SDHB: variants seen among roughly 807,000 people sequenced by gnomAD.
The protein encoded by SDHB is succinate dehydrogenase [ubiquinone] iron-sulfur subunit, mitochondrial.
SDHB carries 21 observed loss-of-function variants against 39.7 expected under a neutral mutation model. The ratio of observed to expected loss-of-function variants is 0.53; its 90% confidence interval spans 0.37 to 0.76. The LOEUF is 0.76. Ranked by LOEUF, SDHB falls within the 30% of genes least tolerant of loss-of-function variation. The pLI is 0.00. For missense variants in SDHB, 343 were observed against 350.9 expected (o/e 0.98, Z 0.18); for synonymous variants, 118 against 117.0 (o/e 1.01, Z -0.06).
chr1:17,053,924 CCT>C (rs769896257), intron 1 of SDHB, 22 bp downstream of exon 1: 22 of 1,595,746 alleles, frequency 1.4e-5, no homozygotes, highest in Non-Finnish European at 1.7e-5. Flanking sequence ...CTGACTTTTC[CCT>C]CTCTGAGGCT....
intron 3 of SDHB, among the ~76,000 whole-genome samples, chr1:17,030,462 G>A (rs1233014315): frequency 6.6e-6 from 1 of 152,132 alleles, no homozygotes; most frequent in Non-Finnish European, 1.5e-5. Context: ...ATGAAACTGA[G>A]GCAAAGCAAA....
intron 3 of SDHB, 61 bp downstream of exon 3, chr1:17,032,999 C>T (rs1188713634): frequency 2.3e-6 from 3 of 1,327,268 alleles, no homozygotes; most frequent in Admixed American, 3.4e-5. Context: ...CAGCTTTGGC[C>T]AGCCCAAGCC....
chr1:17,034,125 C>G (rs2647159), intron 2 of SDHB, among the ~76,000 whole-genome samples: 15,939 of 151,712 alleles, frequency 0.11, 975 homozygotes, highest in African/African-American at 0.17. Context: ...TACGTCATTT[C>G]CTTTAGTACT....
chr1:17,052,449 C>T (rs2078153897), intron 1 of SDHB: 1 of 152,120 alleles, frequency 6.6e-6, no homozygotes, highest in African/African-American at 2.4e-5. Flanking sequence ...CCTCAGGAGG[C>T]CCTGCAAAGA....
rs1060503756 is a variant in SDHB, at chr1:17,053,971, T to C, written c.49A>G (p.Thr17Ala). ...ACCTGCAGGCAGGCTCCGCCAAGGG[T>C]TGTGGCCGGCAACCGGCGCCTCAAG... ...LSLRRRLPAT[T>A]LGGACLQASR... is the part of the protein sequence containing the mutation. Residue 17 changes from threonine (T) to alanine (A), a missense_variant, in exon 1 of 8, where the codon ACC becomes GCC. By Grantham distance (58) the Thr-to-Ala change is moderately conservative (BLOSUM62 0). Coordinates refer to ENST00000375499, the MANE Select transcript of SDHB (RefSeq NM_003000.3). The C allele has an allele frequency of 5.0e-6, 8 of 1,613,046 alleles. No individual in the cohort carries two copies. The highest frequency in any genetic ancestry group is 1.7e-5 in the Admixed American group (1 of 59,962).
chr1:17,024,072 G>A lies in SDHB; in HGVS notation c.543C>T (p.Asp181=), dbSNP rs199809975. The A allele has an allele frequency of 6.4e-5, 103 of 1,609,792 alleles. No individual in the cohort carries two copies. The highest frequency in any genetic ancestry group is 1.3e-4 in the Admixed American group (8 of 59,970). The change falls in exon 6 of 8, where the codon GAC becomes GAT. Residue 181 remains aspartate, a splice_region_variant and synonymous_variant. Transcript: ENST00000375499. ...CACAGAGAATGCACTCGTAGAGCCC[G>A]TCCTGTATGGGGAGAAAAGAGAGGC... ...LQSIEEREKL[D]GLYECILCAC...
intron 7 of SDHB, among the ~76,000 whole-genome samples, chr1:17,019,844 G>A (rs930019131): frequency 2.0e-5 from 3 of 151,998 alleles, no homozygotes; most frequent in African/African-American, 7.3e-5. Flanking sequence ...GTGATCCTCC[G>A]GCCTCAGCCT....
At chr1:17,027,491 G>A (rs924045352) in intron 5 of SDHB, among the ~76,000 whole-genome samples, 1 of 152,208 alleles carries the variant, frequency 6.6e-6, no homozygotes. Context: ...TTTTGAAAAA[G>A]ATGGAGTAGC....
At chr1:17,043,545 A>C (rs936445508) in intron 2 of SDHB, among the ~76,000 whole-genome samples, 3 of 152,210 alleles carry the variant, frequency 2.0e-5, no homozygotes, top group Non-Finnish European at 4.4e-5. Context: ...TTATTCACTT[A>C]CACATAAAAC....
At chr1:17,047,309 T>C (rs545567889) in intron 1 of SDHB, among the ~76,000 whole-genome samples, 36 of 150,272 alleles carry the variant, frequency 2.4e-4, no homozygotes, top group African/African-American at 7.8e-4. Context: ...TGAGCCAAGA[T>C]TGCGCCACTG....
intron 2 of SDHB, among the ~76,000 whole-genome samples, chr1:17,037,736 C>T (rs1018960625): frequency 1.3e-5 from 2 of 152,072 alleles, no homozygotes; most frequent in African/African-American, 4.8e-5. Context: ...GGATTACAGG[C>T]GTGAGCCATC....
At chr1:17,033,179 A>G (rs1483802413) in intron 2 of SDHB, 34 bp from the exon 3 acceptor site, 2 of 1,465,940 alleles carry the variant, frequency 1.4e-6, no homozygotes, top group Non-Finnish European at 1.9e-6. Flanking sequence ...GTATTTATGT[A>G]ACGTTCAACC....
chr1:17,022,833 C>T, intron 6 of SDHB, 103 bp from the exon 7 acceptor site: 1 of 1,397,924 alleles, frequency 7.2e-7, no homozygotes, highest in South Asian at 1.2e-5. Context: ...GGAATTCACT[C>T]AGCTTAGATG....
intron 7 of SDHB, among the ~76,000 whole-genome samples, chr1:17,019,359 A>C (rs192843357): frequency 1.8e-3 from 273 of 152,352 alleles, no homozygotes; most frequent in African/African-American, 6.4e-3. Flanking sequence ...GCAGCAGCAG[A>C]AATCAGCATA....
At chr1:17,039,893 T>C (rs1407101719) in intron 2 of SDHB, among the ~76,000 whole-genome samples, 2 of 152,232 alleles carry the variant, frequency 1.3e-5, no homozygotes, top group Admixed American at 6.5e-5. Context: ...AATCCTTTTA[T>C]ATCTACTATG....
chr1:17,038,458 T>C (rs181089362), intron 2 of SDHB, among the ~76,000 whole-genome samples: 128 of 152,366 alleles, frequency 8.4e-4, no homozygotes, highest in African/African-American at 3.0e-3. Flanking sequence ...TTTAGTTTTG[T>C]AGACTCCCTG....
intron 2 of SDHB, among the ~76,000 whole-genome samples, chr1:17,035,797 T>C (rs985330656): frequency 6.6e-6 from 1 of 151,838 alleles, no homozygotes; most frequent in African/African-American, 2.4e-5. Flanking sequence ...GAGGCGGAGG[T>C]TGCAGTGAGC....
chr1:17,042,699 G>C (rs2078087488), intron 2 of SDHB, among the ~76,000 whole-genome samples: 1 of 151,982 alleles, frequency 6.6e-6, no homozygotes, highest in Non-Finnish European at 1.5e-5. Context: ...GATTGCTTGA[G>C]CCTGGGAGGT....
At position 17,018,763 on chromosome 1, in the gene SDHB, A is replaced by C; in HGVS notation, c.*118T>G. 1.4e-6 allele frequency: 1 copy of C among 736,988 alleles called. No individual in the cohort carries two copies. The highest frequency in any genetic ancestry group is 2.4e-6 in the Non-Finnish European group (1 of 423,178). The allele number at this position is 736,988 out of a possible 1,614,324, so 45.7% of individuals were successfully genotyped here. A position where few individuals can be genotyped will look rare whatever the true frequency, so the allele number is the denominator to read the frequency against. On this transcript the variant is annotated 3_prime_UTR_variant, in exon 8 of 8. Transcript: ENST00000375499. The stretch of plus-strand genomic sequence containing the variant: ...AAAGTAGAATAACATTTATTTCTTA[A>C]AATTTTTATTATACATGCTGTATTC...
Sources: allele counts gnomAD v4.1 joint callset (sites outside exome capture counted in the v4.1 genomes callset), GRCh38; gene constraint gnomAD v4.1.1; transcripts MANE v1.5; gene names NCBI Gene and HGNC (gene_info 2026-07-23, HGNC 2026-07-21).